Variants in AKT3 observed in about 807,000 individuals in gnomAD.
AKT3 encodes AKT serine/threonine kinase 3.
A neutral mutation model predicts 65.3 loss-of-function variants in AKT3; 15 were observed. The observed-to-expected ratio is 0.23, with a 90% CI of 0.15 to 0.35. The LOEUF (loss-of-function observed/expected upper bound fraction) is 0.35. AKT3 is among the 10% of genes least tolerant of loss of function. The pLI, the probability that AKT3 is intolerant of heterozygous loss-of-function variation, is 1.00. For synonymous variants in AKT3, 206 were observed against 183.8 expected (o/e 1.12, Z -0.98); for missense variants, 243 against 576.5 (o/e 0.42, Z 5.92).
At position 243,619,443 on chromosome 1, in the gene AKT3, A is replaced by C. The variant is rs1678577727; in HGVS notation, c.562-4282T>G. On this transcript the variant is annotated intron_variant, in intron 6 of 13. Coordinates refer to ENST00000673466, the MANE Select transcript of AKT3 (RefSeq NM_005465.7). ...TATAGTCGCCCTACTGAACTATCTA[A>C]CACTAGGTCTTATTACAACTGTACT... Among the ~76,000 whole-genome samples the C allele has an allele frequency of 1.9e-5, 2 of 104,938 alleles. 1 individual carries two copies. The highest frequency in any genetic ancestry group is 5.4e-4 in the South Asian group (2 of 3,680). The allele number at this position is 104,938 out of a possible 152,430, so 68.8% of individuals were successfully genotyped here. A position where few individuals can be genotyped will look rare whatever the true frequency, so the allele number is the denominator to read the frequency against.
At chr1:243,722,167 T>G (rs1444822202) in intron 2 of AKT3, among the ~76,000 whole-genome samples, 2 of 152,112 alleles carry the variant, frequency 1.3e-5, no homozygotes, top group Non-Finnish European at 2.9e-5. Context: ...TTAAGAACAA[T>G]TCATATATTT....
Position 243,642,052 on chromosome 1 carries a change from A to G in AKT3, c.429+3841T>C, listed in dbSNP as rs185574433. On this transcript the variant is annotated intron_variant, in intron 5 of 13. Transcript: ENST00000673466. ...TCACAGCTTGTCAGTTTGACTCTCA[A>G]TCTTTAAAAAAAAGGGAATTTACAT... 6.3e-4 allele frequency among the ~76,000 whole-genome samples: 96 copies of G among 152,320 alleles called. 1 individual carries two copies. Among genetic ancestry groups the G allele is most frequent in the African/African-American group, 2.1e-3 (88 of 41,572 alleles).
intron 12 of AKT3, among the ~76,000 whole-genome samples, chr1:243,518,349 G>A (rs1016133991): frequency 2.6e-5 from 4 of 152,108 alleles, no homozygotes; most frequent in Non-Finnish European, 2.9e-5. Flanking sequence ...AATTGCCTCA[G>A]TATGGCTGGG....
intron 8 of AKT3, among the ~76,000 whole-genome samples, chr1:243,605,692 C>A (rs772224525): frequency 1.3e-5 from 2 of 152,304 alleles, no homozygotes; most frequent in African/African-American, 4.8e-5. Flanking sequence ...TCACAGCCAA[C>A]ATTTCTTTCA....
chr1:243,741,952 A>C (rs1284560990), intron 2 of AKT3: 1 of 152,086 alleles, frequency 6.6e-6, no homozygotes, highest in African/African-American at 2.4e-5. Context: ...GTATTCAAAA[A>C]AATACCTGTA....
At chr1:243,666,086 C>T (rs1682750922) in intron 3 of AKT3, among the ~76,000 whole-genome samples, 1 of 152,084 alleles carries the variant, frequency 6.6e-6, no homozygotes, top group Non-Finnish European at 1.5e-5. Flanking sequence ...TCACCGTAAC[C>T]TCTGCCTGCT....
rs767558553 is a variant in AKT3 at position 243,613,652 on chromosome 1, G to A, written c.696+19C>T. 6.4e-7 allele frequency: 1 copy of A among 1,551,572 alleles called. No homozygotes were observed. Among genetic ancestry groups the A allele is most frequent in the Non-Finnish European group, 8.7e-7 (1 of 1,143,544 alleles). On this transcript the variant is annotated intron_variant, in intron 8 of 13. Coordinates refer to ENST00000673466, the MANE Select transcript of AKT3 (RefSeq NM_005465.7). The stretch of plus-strand genomic sequence containing the variant: ...TGAAAATACTACCATGCAAATACTG[G>A]ATTTACTTCTTGACTCACCTCGCCC...
At chr1:243,743,842 T>C (rs1688316491) in intron 2 of AKT3, among the ~76,000 whole-genome samples, 1 of 152,148 alleles carries the variant, frequency 6.6e-6, no homozygotes, top group Non-Finnish European at 1.5e-5. Flanking sequence ...AAGAGGCCCA[T>C]CTCTACCAAC....
chr1:243,843,273 A>T lies in AKT3; in HGVS notation c.-103T>A. The T allele has an allele frequency of 6.8e-7, 1 of 1,468,178 alleles. No individual in the cohort carries two copies. The highest frequency in any genetic ancestry group is 9.1e-7 in the Non-Finnish European group (1 of 1,102,604). 90.9% of individuals were successfully genotyped at this position (1,468,178 alleles called of 1,614,324 possible). On this transcript the variant is annotated 5_prime_UTR_variant, in exon 2 of 14. Coordinates refer to ENST00000673466, the MANE Select transcript of AKT3 (RefSeq NM_005465.7). ...CTGCTGCCCTTCCCACTCTCTAGTG[A>T]TGACTCAGCCTGGAAGGAAGTATTG...
intron 3 of AKT3, among the ~76,000 whole-genome samples, chr1:243,682,999 T>G (rs1371061396): frequency 1.3e-5 from 2 of 152,180 alleles, no homozygotes; most frequent in Non-Finnish European, 2.9e-5. Context: ...TGTGGCATAT[T>G]TTTGCTACTA....
chr1:243,834,797 A>T (rs1037970352), intron 2 of AKT3, among the ~76,000 whole-genome samples: 2 of 152,134 alleles, frequency 1.3e-5, no homozygotes, highest in African/African-American at 4.8e-5. Context: ...CAGAAAATGA[A>T]ATCTATAGGA....
rs180715170 is a variant in AKT3, at chr1:243,662,886, T to G, written c.284+1886A>C. On this transcript the variant is annotated intron_variant, in intron 4 of 13. Transcript: ENST00000673466. ...GTTATAAATGCAAATGAAAACTGAT[T>G]GTTCAGAAGAGTAGTATATTATTAC... is the stretch of plus-strand genomic sequence containing the variant. 1.5e-3 allele frequency among the ~76,000 whole-genome samples: 227 copies of G among 152,328 alleles called. 2 individuals are homozygous for G. The highest frequency in any genetic ancestry group is 1.4e-3 in the Non-Finnish European group (98 of 68,032).
At chr1:243,704,844 A>G (rs1294597366) in intron 2 of AKT3, among the ~76,000 whole-genome samples, 1 of 152,102 alleles carries the variant, frequency 6.6e-6, no homozygotes, top group Non-Finnish European at 1.5e-5. Context: ...TCTGCATAAT[A>G]TTGATTAATA....
chr1:243,833,980 A>T (rs377610302), intron 2 of AKT3, among the ~76,000 whole-genome samples: 1 of 151,740 alleles, frequency 6.6e-6, no homozygotes, highest in South Asian at 2.1e-4. Context: ...TTTGGATTCT[A>T]ATTTGAGCCA....
chr1:243,657,868 G>A (rs531341509), intron 4 of AKT3, among the ~76,000 whole-genome samples: 1 of 152,082 alleles, frequency 6.6e-6, no homozygotes, highest in Non-Finnish European at 1.5e-5. Context: ...TTTGACAAGG[G>A]CGTCACAACT....
intron 3 of AKT3, among the ~76,000 whole-genome samples, chr1:243,691,284 C>A (rs1210546625): frequency 6.6e-6 from 1 of 152,082 alleles, no homozygotes; most frequent in Non-Finnish European, 1.5e-5. Context: ...GAAGAGAGAT[C>A]CTGCAAGAGT....
rs371811884 is a variant in AKT3, at chr1:243,666,170, A to G, written c.173-1287T>C. Among the ~76,000 whole-genome samples the G allele has an allele frequency of 3.3e-5, 5 of 151,742 alleles. No homozygotes were observed. In the East Asian group the frequency reaches 9.7e-4, roughly 29 times the overall value. On this transcript the variant is annotated intron_variant, in intron 3 of 13. Coordinates refer to ENST00000673466, the MANE Select transcript of AKT3 (RefSeq NM_005465.7). ...AGGCGTGCACCACCATGCCCAGCTT[A>G]TTTTTCTAATTTTAGTAGAGATGGG...
chr1:243,738,329 T>C (rs1404525091), intron 2 of AKT3, among the ~76,000 whole-genome samples: 5 of 152,092 alleles, frequency 3.3e-5, no homozygotes, highest in Non-Finnish European at 5.9e-5. Flanking sequence ...AAAGGTCTCT[T>C]TGGGGTCAAC....
At chr1:243,572,207 G>A (rs1674612660) in intron 9 of AKT3, among the ~76,000 whole-genome samples, 1 of 152,134 alleles carries the variant, frequency 6.6e-6, no homozygotes, top group Non-Finnish European at 1.5e-5. Context: ...ATGACAACCT[G>A]TGGACTAAAT....
Sources: allele counts gnomAD v4.1 joint callset (sites outside exome capture counted in the v4.1 genomes callset), GRCh38; gene constraint gnomAD v4.1.1; transcripts MANE v1.5; gene names NCBI Gene and HGNC (gene_info 2026-07-23, HGNC 2026-07-21).